The following HDAC9 variants were observed in gnomAD, a reference collection of about 807,000 sequenced individuals.
The protein encoded by HDAC9 is MEF-2 interacting transcription repressor (MITR) protein.
HDAC9 carries 41 observed loss-of-function variants against 139.4 expected under a neutral mutation model. That is an observed-to-expected ratio of 0.29 (90% CI 0.23 to 0.38). The LOEUF (loss-of-function observed/expected upper bound fraction) is 0.38. HDAC9 is among the 10% of genes least tolerant of loss of function. The pLI is 1.00. For missense variants in HDAC9, 1,147 were observed against 1,297.0 expected, an observed-to-expected ratio of 0.88 and a Z score of 1.78; for synonymous variants, 517 against 476.2, an observed-to-expected ratio of 1.09 and a Z score of -1.12.
intron 2 of HDAC9, among the ~76,000 whole-genome samples, chr7:18,527,880 A>C (rs140938989): frequency 1.2e-3 from 178 of 152,292 alleles, no homozygotes; most frequent in African/African-American, 4.1e-3. Context: ...CAGTTCTGTA[A>C]AATGAATCAT....
chr7:18,496,150 T>A, intron 1 of HDAC9, 112 bp from the exon 2 acceptor site: 1 of 1,404,552 alleles, frequency 7.1e-7, no homozygotes, highest in South Asian at 1.2e-5. Flanking sequence ...CCAGCGAGGG[T>A]AGCTCCTGGG....
intron 17 of HDAC9, among the ~76,000 whole-genome samples, chr7:18,799,494 T>C (rs1006561767): frequency 6.6e-6 from 1 of 152,192 alleles, no homozygotes; most frequent in African/African-American, 2.4e-5. Flanking sequence ...TAGATATTTT[T>C]AATAATTTAA....
At chr7:18,778,071 A>C (rs1441752207) in intron 16 of HDAC9, among the ~76,000 whole-genome samples, 1 of 151,958 alleles carries the variant, frequency 6.6e-6, no homozygotes, top group African/African-American at 2.4e-5. Context: ...GCCATGGAGC[A>C]GAGAGGGCCT....
chr7:18,771,487 T>G (rs1790285932), intron 16 of HDAC9, among the ~76,000 whole-genome samples: 1 of 152,098 alleles, frequency 6.6e-6, no homozygotes, highest in Non-Finnish European at 1.5e-5. Flanking sequence ...TCTTTTATCT[T>G]GTCAGAATTA....
chr7:18,552,281 G>A (rs986595171), intron 2 of HDAC9, among the ~76,000 whole-genome samples: 1 of 151,840 alleles, frequency 6.6e-6, no homozygotes, highest in African/African-American at 2.4e-5. Flanking sequence ...AGATTTTCAG[G>A]TTTTCCTTTT....
At position 18,165,554 on chromosome 7, in the gene HDAC9, A is replaced by G. The variant is rs78517784; in HGVS notation, c.25+3205A>G. 4.7e-3 allele frequency among the ~76,000 whole-genome samples: 716 copies of G among 152,256 alleles called. 33 individuals carry two copies. The East Asian group carries it at 0.1, about 22-fold the overall frequency. ...GTAATCCCAGCAGTTTGAGAGGCCT[A>G]GGTGGGAAGATTGCTTGAGCCCCGG... is the stretch of plus-strand genomic sequence containing the variant. On this transcript the variant is annotated intron_variant, in intron 2 of 12. Coordinates refer to the HDAC9 transcript ENST00000417496.
At chr7:18,605,928 C>T (rs1215024533) in intron 6 of HDAC9, among the ~76,000 whole-genome samples, 1 of 152,142 alleles carries the variant, frequency 6.6e-6, no homozygotes, top group African/African-American at 2.4e-5. Flanking sequence ...GATCTGCCCA[C>T]CTCGGCCTCC....
intron 1 of HDAC9, among the ~76,000 whole-genome samples, chr7:18,477,973 C>A (rs1202240405): frequency 6.6e-5 from 10 of 151,984 alleles, no homozygotes; most frequent in Non-Finnish European, 1.5e-4. Context: ...CACTAGAAAA[C>A]AAAGACCAGT....
intron 1 of HDAC9, among the ~76,000 whole-genome samples, chr7:18,438,047 T>G (rs1309918877): frequency 6.6e-6 from 1 of 150,930 alleles, no homozygotes; most frequent in Non-Finnish European, 1.5e-5. Flanking sequence ...TATATACACT[T>G]TATATAAAGT....
At chr7:18,726,548 A>G (rs1273606242) in intron 12 of HDAC9, among the ~76,000 whole-genome samples, 3 of 152,132 alleles carry the variant, frequency 2.0e-5, no homozygotes, top group African/African-American at 4.8e-5. Context: ...CCATGGCAAG[A>G]GAGTATTATG....
chr7:18,255,706 G>A (rs569560942), intron 2 of HDAC9, among the ~76,000 whole-genome samples: 2 of 135,670 alleles, frequency 1.5e-5, no homozygotes, highest in South Asian at 4.8e-4. Context: ...TCGGCTCACT[G>A]CACCCTCTGC....
chr7:18,995,318 T>G (rs1241913586), intron 25 of HDAC9, among the ~76,000 whole-genome samples: 1 of 152,208 alleles, frequency 6.6e-6, no homozygotes, highest in Non-Finnish European at 1.5e-5. Flanking sequence ...AATTTATTCT[T>G]TTGAGTAAAT....
intron 24 of HDAC9, among the ~76,000 whole-genome samples, chr7:18,963,069 C>A (rs987004274): frequency 6.6e-6 from 1 of 152,088 alleles, no homozygotes; most frequent in Admixed American, 6.5e-5. Context: ...TATAACAGGA[C>A]TCTGCTAAAA....
chr7:18,314,262 TA>T (rs1455773598), intron 1 of HDAC9, among the ~76,000 whole-genome samples: 1 of 152,218 alleles, frequency 6.6e-6, no homozygotes, highest in African/African-American at 2.4e-5. Context: ...CTCCAGATCA[TA>T]GCCCAGCCAA....
chr7:18,936,296 A>G (rs1781628566), intron 23 of HDAC9, among the ~76,000 whole-genome samples: 3 of 151,646 alleles, frequency 2.0e-5, no homozygotes, highest in Admixed American at 1.3e-4. Context: ...GGAAAAAAAA[A>G]CTGTTTTAAA....
rs190989986 is a variant in HDAC9, at chr7:18,837,018, G to A, written c.2684+1021G>A. 3.0e-3 allele frequency among the ~76,000 whole-genome samples: 452 copies of A among 151,838 alleles called. 2 individuals are homozygous for A. Among genetic ancestry groups the A allele is most frequent in the African/African-American group, 0.011 (436 of 41,448 alleles). The stretch of plus-strand genomic sequence containing the variant: ...TTTTTTAATTAATGAAGTTTTGGTG[G>A]GTTTCTTTTGTCCTGTGTGTCATGC... On this transcript the variant is annotated intron_variant, in intron 21 of 25. Transcript: ENST00000686413.
chr7:18,751,778 G>A (rs994694141), intron 14 of HDAC9, among the ~76,000 whole-genome samples: 27 of 152,018 alleles, frequency 1.8e-4, no homozygotes, highest in Admixed American at 1.8e-3. Flanking sequence ...TGTTCAATAT[G>A]AGATAAAACA....
At chr7:18,965,217 A>G (rs1211445789) in intron 24 of HDAC9, among the ~76,000 whole-genome samples, 1 of 152,226 alleles carries the variant, frequency 6.6e-6, no homozygotes, top group African/African-American at 2.4e-5. Context: ...GTCTATGTAC[A>G]GGGAGATAAT....
intron 13 of HDAC9, among the ~76,000 whole-genome samples, chr7:18,731,121 A>G (rs949666966): frequency 6.6e-6 from 1 of 152,130 alleles, no homozygotes; most frequent in Non-Finnish European, 1.5e-5. Context: ...GCAATTTAAA[A>G]CTTAGAATTT....
Sources: allele counts gnomAD v4.1 joint callset (sites outside exome capture counted in the v4.1 genomes callset), GRCh38; gene constraint gnomAD v4.1.1; transcripts MANE v1.5; gene names NCBI Gene and HGNC (gene_info 2026-07-23, HGNC 2026-07-21).